The following TPTE2 variants were observed in gnomAD, a reference collection of about 807,000 sequenced individuals.
The protein encoded by TPTE2 is phosphatidylinositol 3,4,5-trisphosphate 3-phosphatase TPTE2.
Under a neutral mutation model 78.6 loss-of-function variants are expected in TPTE2, and 53 were observed. The observed-to-expected ratio is 0.67, with a 90% CI of 0.54 to 0.85. The LOEUF (loss-of-function observed/expected upper bound fraction) is 0.85, where lower values mean the gene tolerates loss of function less well. Ranked by LOEUF, TPTE2 falls within the 40% of genes least tolerant of loss-of-function variation. The probability of loss-of-function intolerance (pLI) is 0.00; values close to 1 mark genes in which losing one functional copy is unlikely to be tolerated. For synonymous variants in TPTE2, 175 were observed against 206.2 expected (o/e 0.85, Z 1.30); for missense variants, 461 against 623.0 (o/e 0.74, Z 2.77).
chr13:19,524,551 G>A (rs1870381263), intron 1 of TPTE2, among the ~76,000 whole-genome samples: 1 of 152,136 alleles, frequency 6.6e-6, no homozygotes, highest in African/African-American at 2.4e-5. Context: ...CCATAAGCAG[G>A]AGTCAACAGA....
At chr13:19,457,676 T>A (rs1878625083) in intron 10 of TPTE2, among the ~76,000 whole-genome samples, 1 of 152,220 alleles carries the variant, frequency 6.6e-6, no homozygotes, top group African/African-American at 2.4e-5. Context: ...TCCAGCTCCA[T>A]CCATGTCCCT....
intron 6 of TPTE2, among the ~76,000 whole-genome samples, chr13:19,473,058 G>GTC (rs142110104): frequency 2.6e-5 from 4 of 151,366 alleles, no homozygotes; most frequent in South Asian, 2.1e-4. Flanking sequence ...CAAACAAAGA[G>GTC]TCTCTCTCTC....
At position 19,497,778 on chromosome 13, in the gene TPTE2, C is replaced by A. The variant is rs1469474021; in HGVS notation, c.12-4277G>T. Among the ~76,000 whole-genome samples, 14 of 151,514 alleles carry A rather than the reference C, an allele frequency of 9.2e-5. 1 individual carries two copies. The East Asian group carries it at 2.7e-3, about 30-fold the overall frequency. ...CCAAAGGAACGCAGTTCCTCACCAG[C>A]AACGGAACAAAGCTGGATGGAGAAT... On this transcript the variant is annotated intron_variant, in intron 1 of 19. Transcript: ENST00000400230.
chr13:19,496,012 G>A (rs1400950614), intron 1 of TPTE2, among the ~76,000 whole-genome samples: 1 of 152,104 alleles, frequency 6.6e-6, no homozygotes, highest in Non-Finnish European at 1.5e-5. Context: ...GGGACTACAG[G>A]TGCCCGCCAC....
chr13:19,557,656 A>G, the TPTE2 span, among the ~76,000 whole-genome samples: 98,980 of 151,916 alleles, frequency 0.65, 34,770 homozygotes, highest in East Asian at 0.89. Context: ...GTTTGGGGGG[A>G]TGTTACAGTC....
chr13:19,546,819 G>A, the TPTE2 span, among the ~76,000 whole-genome samples: 42 of 151,740 alleles, frequency 2.8e-4, no homozygotes, highest in African/African-American at 9.4e-4. Context: ...TAAAAATATG[G>A]CATCAGAAAC....
At chr13:19,539,896 G>A (rs893374838), upstream of TPTE2, among the ~76,000 whole-genome samples, 6 of 152,242 alleles carry the variant, frequency 3.9e-5, no homozygotes, top group Non-Finnish European at 8.8e-5. Flanking sequence ...TGTAATCCCA[G>A]CAGTTTGGGA....
chr13:19,467,353 TAAA>T lies in TPTE2; in HGVS notation c.393-12_393-10del, dbSNP rs71092363. 0.022 allele frequency: 26,012 copies of T among 1,160,252 alleles called. 109 individuals carry two copies. Among genetic ancestry groups the T allele is most frequent in the African/African-American group, 0.086 (5,033 of 58,486 alleles). 71.9% of individuals were successfully genotyped at this position (1,160,252 alleles called of 1,614,324 possible). The stretch of plus-strand genomic sequence containing the variant: ...AAAAATACTGCTGTCTCCTGTAATA[TAAA>T]AAAAAAAAAAAAAAAGTTCATTTCC... On this transcript the variant is annotated splice_polypyrimidine_tract_variant and intron_variant, in intron 6 of 19. Coordinates refer to ENST00000400230, the Ensembl canonical transcript of TPTE2.
chr13:19,516,615 T>C (rs1357815338), intron 1 of TPTE2, among the ~76,000 whole-genome samples: 5 of 152,190 alleles, frequency 3.3e-5, no homozygotes, highest in Non-Finnish European at 7.4e-5. Context: ...CTGTAATAAT[T>C]AACAATGTTT....
intron 9 of TPTE2, 80 bp from the exon 13 acceptor site, chr13:19,464,600 A>G (rs1478784954): frequency 3.3e-5 from 49 of 1,474,030 alleles, no homozygotes; most frequent in Non-Finnish European, 2.5e-5. Flanking sequence ...ATACATGATC[A>G]GACTCCATTT....
At chr13:19,427,087 T>TTC (rs1555246575) in intron 17 of TPTE2, among the ~76,000 whole-genome samples, 1 of 127,232 alleles carries the variant, frequency 7.9e-6, no homozygotes, top group African/African-American at 3.1e-5. Context: ...TTCTTTTTTT[T>TTC]TTTTTTTTTT....
intron 1 of TPTE2, among the ~76,000 whole-genome samples, chr13:19,499,108 A>C (rs1254692592): frequency 2.0e-5 from 3 of 152,186 alleles, no homozygotes; most frequent in African/African-American, 7.2e-5. Context: ...ACTATCCTAA[A>C]TATATATGCA....
At chr13:19,431,977 G>T (rs1333793439) in intron 16 of TPTE2, among the ~76,000 whole-genome samples, 1 of 86,968 alleles carries the variant, frequency 1.1e-5, no homozygotes, top group Non-Finnish European at 2.6e-5. Context: ...GGAGTGAGAG[G>T]GTTACAGATG....
At chr13:19,553,437 C>T in the TPTE2 span, among the ~76,000 whole-genome samples, 2 of 152,020 alleles carry the variant, frequency 1.3e-5, no homozygotes, top group African/African-American at 4.8e-5. Flanking sequence ...CATTTGATTC[C>T]TGGATATTCA....
rs748652684 is a variant in TPTE2 at position 19,475,621 on chromosome 13, C to T, written c.182G>A (p.Ser61Asn). 7.5e-6 allele frequency: 12 copies of T among 1,607,518 alleles called. No individual in the cohort carries two copies. In the East Asian group the frequency reaches 2.2e-4, roughly 30 times the overall value. The change falls in exon 5 of 20, where the codon AGC becomes AAC. Residue 61 changes from serine (S) to asparagine (N), a missense_variant and splice_region_variant. Transcript: ENST00000400230. ...TGAATGCACAATTTTCTTAATCTTGCTGCTGCAAAAAGAAGTAAAAATAAA... is the reference window on the plus strand; with the variant it reads ...TGAATGCACAATTTTCTTAATCTTGTTGCTGCAAAAAGAAGTAAAAATAAA...
chr13:19,533,573 C>A (rs1871013793), intron 1 of TPTE2, among the ~76,000 whole-genome samples: 1 of 152,170 alleles, frequency 6.6e-6, no homozygotes, highest in African/African-American at 2.4e-5. Flanking sequence ...GGAGTTCTGA[C>A]AAGCATGTGG....
At chr13:19,554,377 A>AAAATAAATAAATAAATAAAT in the TPTE2 span, among the ~76,000 whole-genome samples, 344 of 145,208 alleles carry the variant, frequency 2.4e-3, 3 homozygotes, top group African/African-American at 4.7e-3. Flanking sequence ...TCTGTCTCAA[A>AAAATAAATAAATAAATAAAT]AAATAAATAA....
At position 19,423,184 on chromosome 13, in the gene TPTE2, A is replaced by G. The variant is rs1388995963; in HGVS notation, c.1467-20T>C. On this transcript the variant is annotated intron_variant, in intron 19 of 19. Transcript: ENST00000400230. The stretch of plus-strand genomic sequence containing the variant: ...CAAAGCCTAAGAATAGAAAAAAAAA[A>G]TTACATTTTATATTGGGGCTCACCA... 4 of 1,576,448 alleles carry G rather than the reference A, an allele frequency of 2.5e-6. No individual in the cohort carries two copies. The highest frequency in any genetic ancestry group is 2.3e-5 in the East Asian group (1 of 43,384).
At chr13:19,501,879 A>C (rs1394617440) in intron 1 of TPTE2, among the ~76,000 whole-genome samples, 1 of 151,566 alleles carries the variant, frequency 6.6e-6, no homozygotes, top group Non-Finnish European at 1.5e-5. Context: ...AATGGGAGAA[A>C]ATTTTCGCAA....
Sources: gnomAD v4.1 joint callset for allele counts (sites outside exome capture counted in the v4.1 genomes callset) on GRCh38, gnomAD v4.1.1 for gene constraint, MANE v1.5 for transcripts, NCBI Gene and HGNC (gene_info 2026-07-23, HGNC 2026-07-21) for gene names.